Variants in MAML1 observed in about 807,000 individuals in gnomAD.
MAML1 encodes mastermind-like protein 1.
A neutral mutation model predicts 77.1 loss-of-function variants in MAML1; 14 were observed. That is an observed-to-expected ratio of 0.18 (90% CI 0.12 to 0.28). The LOEUF is 0.28. Among genes scored for constraint, MAML1 ranks in the 10% least tolerant of loss-of-function variants. The probability of loss-of-function intolerance (pLI) is 1.00; values close to 1 mark genes in which losing one functional copy is unlikely to be tolerated. For synonymous variants in MAML1, 516 were observed against 551.9 expected (o/e 0.93, Z 0.91); for missense variants, 1,217 against 1,327.8 (o/e 0.92, Z 1.30).
chr5:179,757,169 G>T (rs2113363264), intron 1 of MAML1, among the ~76,000 whole-genome samples: 1 of 152,228 alleles, frequency 6.6e-6, no homozygotes, highest in Non-Finnish European at 1.5e-5. Flanking sequence ...TTTATATACA[G>T]CCTGTACAGA....
At chr5:179,741,517 T>C (rs1779283248) in intron 1 of MAML1, among the ~76,000 whole-genome samples, 1 of 151,898 alleles carries the variant, frequency 6.6e-6, no homozygotes, top group Admixed American at 6.6e-5. Context: ...AAACCCCGTC[T>C]CTGGTAAAAA....
At chr5:179,758,669 C>T (rs1427548223) in intron 1 of MAML1, among the ~76,000 whole-genome samples, 2 of 151,960 alleles carry the variant, frequency 1.3e-5, no homozygotes, top group Non-Finnish European at 2.9e-5. Context: ...GGATTACAGG[C>T]GTGAGCCACC....
chr5:179,744,018 T>TA (rs1174560891), intron 1 of MAML1, among the ~76,000 whole-genome samples: 2 of 152,228 alleles, frequency 1.3e-5, no homozygotes, highest in Non-Finnish European at 2.9e-5. Flanking sequence ...ATCAACTGTT[T>TA]AAAGAATGCT....
At chr5:179,753,132 T>C (rs1250745365) in intron 1 of MAML1, among the ~76,000 whole-genome samples, 1 of 152,100 alleles carries the variant, frequency 6.6e-6, no homozygotes, top group Non-Finnish European at 1.5e-5. Context: ...AAAGACTGTA[T>C]TTATAATTAC....
Position 179,774,663 on chromosome 5 carries a change from C to T in MAML1, c.2837C>T (p.Ala946Val). Residue 946 changes from alanine (A) to valine (V), a missense_variant, in exon 5 of 5, where the codon GCC becomes GTC. This residue lies in a region of MAML1 where 884 missense variants were observed against 949.3 expected (regional missense o/e 0.93). Transcript: ENST00000292599. ...PELGAFSQSP[A>V]SQMGGRAGLH... The stretch of plus-strand genomic sequence containing the variant: ...CTGGGGGCCTTCAGCCAGAGCCCTG[C>T]CTCACAGATGGGCGGTCGGGCGGGG... 6 of 1,610,558 alleles carry T rather than the reference C, an allele frequency of 3.7e-6. No individual in the cohort carries two copies. The South Asian group carries it at 6.6e-5, about 18-fold the overall frequency.
intron 1 of MAML1, among the ~76,000 whole-genome samples, chr5:179,740,049 G>A (rs13172523): frequency 0.084 from 12,718 of 152,242 alleles, 751 homozygotes; most frequent in Admixed American, 0.17. Context: ...AATGACAGTC[G>A]TAGCTTAAGA....
chr5:179,752,598 C>CTTTT (rs1172970221), intron 1 of MAML1, among the ~76,000 whole-genome samples: 7 of 71,820 alleles, frequency 9.7e-5, no homozygotes, highest in Non-Finnish European at 1.1e-4. Context: ...ATTAGATACT[C>CTTTT]TTTTTTTTTT....
Position 179,769,211 on chromosome 5 carries a change from G to C in MAML1, c.1971+122G>C, listed in dbSNP as rs540764516. The C allele has an allele frequency of 1.1e-5, 15 of 1,389,394 alleles. No individual in the cohort carries two copies. Among genetic ancestry groups the C allele is most frequent in the East Asian group, 9.4e-5 (4 of 42,570 alleles). 86.1% of individuals were successfully genotyped at this position (1,389,394 alleles called of 1,614,324 possible). Reference sequence around the variant, plus strand: ...GCGCAGACTTGCGTGCCTGTTGTTAGAGTGCTTTGCCTTTTAAAAACATCT... The same window carrying C: ...GCGCAGACTTGCGTGCCTGTTGTTACAGTGCTTTGCCTTTTAAAAACATCT... On this transcript the variant is annotated intron_variant, in intron 3 of 4. Coordinates refer to ENST00000292599, the MANE Select transcript of MAML1 (RefSeq NM_014757.5). This position sits in a 1 kb window ranked among gnomAD's most constrained non-coding sequence, Gnocchi z 4.2.
intron 1 of MAML1, among the ~76,000 whole-genome samples, chr5:179,760,111 AG>A (rs1779699357): frequency 6.6e-6 from 1 of 152,094 alleles, no homozygotes. Flanking sequence ...TCAAGTGGAC[AG>A]GGGCTCAGTA....
chr5:179,734,570 T>C (rs532819096), intron 1 of MAML1, among the ~76,000 whole-genome samples: 1 of 152,350 alleles, frequency 6.6e-6, no homozygotes, highest in African/African-American at 2.4e-5. Flanking sequence ...TTGTATCAAC[T>C]GGTCAAGCCT....
intron 1 of MAML1, among the ~76,000 whole-genome samples, chr5:179,757,404 C>G (rs1779642364): frequency 6.6e-6 from 1 of 151,888 alleles, no homozygotes; most frequent in Admixed American, 6.6e-5. Flanking sequence ...CCCGTCTCTA[C>G]TAAAAATACA....
intron 1 of MAML1, among the ~76,000 whole-genome samples, chr5:179,764,663 A>G (rs1779780094): frequency 6.6e-6 from 1 of 151,366 alleles, no homozygotes; most frequent in African/African-American, 2.4e-5. Context: ...TCTGTCTCAA[A>G]AAAAAAAAAA....
intron 1 of MAML1, among the ~76,000 whole-genome samples, chr5:179,761,540 A>T (rs1779726586): frequency 6.6e-6 from 1 of 152,146 alleles, no homozygotes; most frequent in Non-Finnish European, 1.5e-5. Context: ...TACTAAAAAT[A>T]CAAAATTAGC....
chr5:179,770,610 T>C, intron 3 of MAML1, among the ~76,000 whole-genome samples: 1 of 152,252 alleles, frequency 6.6e-6, no homozygotes, highest in East Asian at 1.9e-4. Context: ...GGTTTCTTGT[T>C]TGGGCTGTTA....
chr5:179,752,888 C>G (rs1463348821), intron 1 of MAML1, among the ~76,000 whole-genome samples: 1 of 152,200 alleles, frequency 6.6e-6, no homozygotes, highest in Non-Finnish European at 1.5e-5. Context: ...ATTCTCCAGT[C>G]TCAGCCTCCT....
chr5:179,763,200 C>T (rs938471183), intron 1 of MAML1, among the ~76,000 whole-genome samples: 1 of 152,208 alleles, frequency 6.6e-6, no homozygotes, highest in Non-Finnish European at 1.5e-5. Flanking sequence ...GAAATGTTAG[C>T]AACTAATTTT....
chr5:179,771,029 G>A lies in MAML1; in HGVS notation c.1972-118G>A. On this transcript the variant is annotated intron_variant, in intron 3 of 4. Coordinates refer to ENST00000292599, the MANE Select transcript of MAML1 (RefSeq NM_014757.5). This position sits in a 1 kb window ranked among gnomAD's most constrained non-coding sequence, Gnocchi z 4.7. ...AAATGAAATCAGCACTATTTCCACA[G>A]GAGCCCATTTGTGAGTAACAAACTT... The A allele has an allele frequency of 1.4e-6, 1 of 712,712 alleles. No homozygotes were observed. Among genetic ancestry groups the A allele is most frequent in the South Asian group, 1.6e-5 (1 of 63,002 alleles). The allele number at this position is 712,712 out of a possible 1,614,324, so 44.1% of individuals were successfully genotyped here. A position where few individuals can be genotyped will look rare whatever the true frequency, so the allele number is the denominator to read the frequency against.
rs1462556287 is a variant in MAML1, at chr5:179,733,125, A to G, written c.13A>G (p.Thr5Ala). 7.0e-7 allele frequency: 1 copy of G among 1,436,848 alleles called. No individual in the cohort carries two copies. Among genetic ancestry groups the G allele is most frequent in the Non-Finnish European group, 9.1e-7 (1 of 1,097,530 alleles). The allele number at this position is 1,436,848 out of a possible 1,614,324, so 89.0% of individuals were successfully genotyped here. Reference sequence around the variant, plus strand: ...CAGCCCGCGGCCCATGGTGCTGCCCACCTGCCCCATGGCGGAGTTCGCGCT... The same window carrying G: ...CAGCCCGCGGCCCATGGTGCTGCCCGCCTGCCCCATGGCGGAGTTCGCGCT... Reference protein sequence around the residue: MVLPTCPMAEFALPR... With the variant: MVLPACPMAEFALPR... Residue 5 changes from threonine to alanine, a missense_variant, in exon 1 of 5, where the codon ACC (threonine) becomes GCC (alanine). This residue lies in a region of MAML1 where 312 missense variants were observed against 331.4 expected (regional missense o/e 0.94). Transcript: ENST00000292599.
chr5:179,768,633 C>T (rs1052816277), intron 2 of MAML1, among the ~76,000 whole-genome samples: 8 of 152,214 alleles, frequency 5.3e-5, no homozygotes, highest in Non-Finnish European at 8.8e-5. Context: ...GGGAGTAAAA[C>T]TAACACCTAT....
Sources: gnomAD v4.1 joint callset for allele counts (sites outside exome capture counted in the v4.1 genomes callset) on GRCh38, gnomAD v4.1.1 for gene constraint, gnomAD v4.1.1 regional missense constraint, Gnocchi (gnomAD v3.1) non-coding constraint, MANE v1.5 for transcripts, NCBI Gene and HGNC (gene_info 2026-07-23, HGNC 2026-07-21) for gene names.